The following SAXO1 variants were observed in gnomAD, a reference collection of about 807,000 sequenced individuals.
The protein encoded by SAXO1 is 4930500O09Rik.
In SAXO1, 21 loss-of-function variants were observed where a neutral mutation model predicts 17.5. The ratio of observed to expected loss-of-function variants is 1.20; its 90% CI spans 0.85 to 1.72. SAXO1 has a LOEUF of 1.72. Among genes scored for constraint, SAXO1 ranks in the 40% most tolerant of loss-of-function variants. The probability of loss-of-function intolerance (pLI) is 0.00; values close to 1 mark genes in which losing one functional copy is unlikely to be tolerated. For missense variants in SAXO1, 843 were observed against 596.0 expected (o/e 1.41, Z -4.32); for synonymous variants, 274 against 216.5 (o/e 1.27, Z -2.33).
chr9:19,025,737 A>C (rs1444439509), intron 1 of SAXO1, among the ~76,000 whole-genome samples: 2 of 152,244 alleles, frequency 1.3e-5, no homozygotes, highest in African/African-American at 4.8e-5. Flanking sequence ...GCTGTAAAAT[A>C]ATCAGATATA....
intron 1 of SAXO1, among the ~76,000 whole-genome samples, chr9:19,044,917 C>T (rs980940597): frequency 6.6e-6 from 1 of 152,000 alleles, no homozygotes; most frequent in Non-Finnish European, 1.5e-5. Flanking sequence ...CAAGGAGCAA[C>T]ATTTTTACCA....
chr9:18,932,586 T>C (rs7019789), intron 3 of SAXO1, among the ~76,000 whole-genome samples: 93,948 of 152,070 alleles, frequency 0.62, 29,999 homozygotes, highest in Middle Eastern at 0.82. Context: ...CCTTCTGAGA[T>C]TTTGATAGGA....
chr9:19,013,449 G>A (rs1834839824), intron 1 of SAXO1, among the ~76,000 whole-genome samples: 1 of 151,426 alleles, frequency 6.6e-6, no homozygotes, highest in Admixed American at 6.6e-5. Context: ...AACACATCCT[G>A]TCTCAGGGCA....
At position 18,950,580 on chromosome 9, in the gene SAXO1, G is replaced by A. The variant is rs1438444963; in HGVS notation, c.218+178C>T. ...AGAGAATTTGGAAAAAACTGAGAAG[G>A]CTCATAAATGCAGGATATTCCTTCA... On this transcript the variant is annotated intron_variant, in intron 2 of 3. Transcript: ENST00000380534. Among the ~76,000 whole-genome samples the A allele has an allele frequency of 3.9e-5, 6 of 152,148 alleles. No individual in the cohort carries two copies. The East Asian group carries it at 9.6e-4, about 24-fold the overall frequency.
At chr9:18,945,434 T>G (rs999034795) in intron 2 of SAXO1, among the ~76,000 whole-genome samples, 15 of 152,248 alleles carry the variant, frequency 9.9e-5, no homozygotes, top group African/African-American at 3.6e-4. Flanking sequence ...GTTGATTTGA[T>G]TGACTTTGTC....
At chr9:19,019,252 CTCT>C (rs1162421160) in intron 1 of SAXO1, among the ~76,000 whole-genome samples, 1 of 152,164 alleles carries the variant, frequency 6.6e-6, no homozygotes, top group Non-Finnish European at 1.5e-5. Flanking sequence ...AAAATAAATG[CTCT>C]TCTTTGCTGA....
chr9:18,959,365 G>A (rs1047921892), intron 1 of SAXO1, among the ~76,000 whole-genome samples: 2 of 152,174 alleles, frequency 1.3e-5, no homozygotes, highest in Non-Finnish European at 2.9e-5. Flanking sequence ...ATTAAAGAGG[G>A]CAGATGGATG....
At chr9:19,007,451 T>C (rs1385296198) in intron 1 of SAXO1, among the ~76,000 whole-genome samples, 2 of 152,248 alleles carry the variant, frequency 1.3e-5, no homozygotes, top group Non-Finnish European at 2.9e-5. Flanking sequence ...TACGGACTTT[T>C]TGGATCTAGC....
intron 1 of SAXO1, among the ~76,000 whole-genome samples, chr9:19,048,847 G>C (rs955861451): frequency 1.3e-5 from 2 of 152,220 alleles, no homozygotes; most frequent in African/African-American, 2.4e-5. Context: ...TAAAGTCTGA[G>C]ATTACGGAAA....
At chr9:19,025,178 C>G (rs912369635) in intron 1 of SAXO1, among the ~76,000 whole-genome samples, 1 of 152,074 alleles carries the variant, frequency 6.6e-6, no homozygotes, top group African/African-American at 2.4e-5. Flanking sequence ...TCAATCTTAA[C>G]GTGAAAGTTT....
intron 1 of SAXO1, among the ~76,000 whole-genome samples, chr9:19,012,855 G>C (rs17236157): frequency 0.034 from 5,201 of 152,280 alleles, 117 homozygotes; most frequent in Middle Eastern, 0.071. Flanking sequence ...TTAATATTAA[G>C]GGAGGCGCTG....
chr9:18,987,998 G>A (rs1367791160), intron 1 of SAXO1, among the ~76,000 whole-genome samples: 2 of 152,128 alleles, frequency 1.3e-5, no homozygotes, highest in East Asian at 1.9e-4. Context: ...ACGTTTTCAG[G>A]CACTGTAATG....
intron 1 of SAXO1, among the ~76,000 whole-genome samples, chr9:19,021,265 G>A (rs112012851): frequency 0.016 from 2,443 of 152,256 alleles, 55 homozygotes; most frequent in African/African-American, 0.056. Flanking sequence ...CTAGGGCTGG[G>A]GTAGCCACAG....
chr9:18,944,478 C>G (rs1831708585), intron 2 of SAXO1, among the ~76,000 whole-genome samples: 1 of 152,218 alleles, frequency 6.6e-6, no homozygotes, highest in African/African-American at 2.4e-5. Flanking sequence ...CTCCAATTAA[C>G]TAGCTTTTCT....
At chr9:18,943,721 C>T (rs1486717308) in intron 2 of SAXO1, among the ~76,000 whole-genome samples, 1 of 152,170 alleles carries the variant, frequency 6.6e-6, no homozygotes, top group Admixed American at 6.5e-5. Flanking sequence ...GCTACCTAAG[C>T]CTACACCCTA....
intron 1 of SAXO1, among the ~76,000 whole-genome samples, chr9:19,026,283 G>A (rs1460428966): frequency 6.6e-6 from 1 of 152,030 alleles, no homozygotes; most frequent in Non-Finnish European, 1.5e-5. Flanking sequence ...AAATAGACCA[G>A]ACTATAAATT....
Position 18,972,068 on chromosome 9 carries a change from C to T in SAXO1, c.39-21131G>A, listed in dbSNP as rs200337454. Among the ~76,000 whole-genome samples the T allele has an allele frequency of 3.3e-5, 5 of 152,290 alleles. No homozygotes were observed. The East Asian group carries it at 7.7e-4, about 24-fold the overall frequency. On this transcript the variant is annotated intron_variant, in intron 1 of 3. Coordinates refer to ENST00000380534, the MANE Select transcript of SAXO1 (RefSeq NM_153707.4). The stretch of plus-strand genomic sequence containing the variant: ...TTCATGAAAGTCAGAACTTGTTAAA[C>T]CCCTTGGGCTTCTGGAAGAATGCAG...
intron 1 of SAXO1, among the ~76,000 whole-genome samples, chr9:19,023,704 T>A: frequency 6.6e-6 from 1 of 151,180 alleles, no homozygotes; most frequent in East Asian, 1.9e-4. Flanking sequence ...AAACTACAAA[T>A]CCACTCAGAA....
intron 1 of SAXO1, chr9:19,028,168 A>T: frequency 7.1e-7 from 1 of 1,400,608 alleles, no homozygotes; most frequent in Non-Finnish European, 1.0e-6. Context: ...TCGCGGCTGA[A>T]GTGCGCAATA....
Sources: gnomAD v4.1 joint callset for allele counts (sites outside exome capture counted in the v4.1 genomes callset) on GRCh38, gnomAD v4.1.1 for gene constraint, MANE v1.5 for transcripts, NCBI Gene and HGNC (gene_info 2026-07-23, HGNC 2026-07-21) for gene names.